The following WAPL variants were observed in gnomAD, a reference collection of about 807,000 sequenced individuals.
WAPL encodes the protein WAPL cohesin release factor.
Under a neutral mutation model 121.0 loss-of-function variants are expected in WAPL, and 5 were observed. That is an observed-to-expected ratio of 0.04 (90% CI 0.02 to 0.09). The LOEUF (loss-of-function observed/expected upper bound fraction) is 0.09, where lower values mean the gene tolerates loss of function less well. Ranked by LOEUF, WAPL falls within the 10% of genes least tolerant of loss-of-function variation. The pLI, the probability that WAPL is intolerant of heterozygous loss-of-function variation, is 1.00. For synonymous variants in WAPL, 480 were observed against 481.5 expected (o/e 1.00, Z 0.04); for missense variants, 999 against 1,410.8 (o/e 0.71, Z 4.68).
intron 9 of WAPL, among the ~76,000 whole-genome samples, chr10:86,462,139 A>G (rs1841291611): frequency 6.6e-6 from 1 of 152,210 alleles, no homozygotes; most frequent in Non-Finnish European, 1.5e-5. Flanking sequence ...TTTTTAAAGC[A>G]GACAGCCACT....
intron 17 of WAPL, among the ~76,000 whole-genome samples, chr10:86,440,945 T>G (rs906910538): frequency 1.1e-4 from 17 of 147,890 alleles, no homozygotes; most frequent in Non-Finnish European, 2.1e-4. Flanking sequence ...GTGGGGTGGG[T>G]AGATGGGCCC....
intron 4 of WAPL, among the ~76,000 whole-genome samples, chr10:86,490,794 G>A (rs1842030622): frequency 6.6e-6 from 1 of 152,084 alleles, no homozygotes; most frequent in African/African-American, 2.4e-5. Context: ...CGGGCGCGGT[G>A]GCTCACACCT....
At chr10:86,488,142 A>C (rs1433719227) in intron 4 of WAPL, among the ~76,000 whole-genome samples, 2 of 152,244 alleles carry the variant, frequency 1.3e-5, no homozygotes, top group Non-Finnish European at 2.9e-5. Flanking sequence ...AGTCTAGAAT[A>C]AAACGTGGTA....
At chr10:86,476,543 G>C (rs1841658802) in intron 4 of WAPL, among the ~76,000 whole-genome samples, 2 of 151,902 alleles carry the variant, frequency 1.3e-5, no homozygotes, top group Non-Finnish European at 2.9e-5. Context: ...ACAAAAATTA[G>C]CCAGGCATGG....
chr10:86,438,234 A>AT (rs1353302268), intron 17 of WAPL, among the ~76,000 whole-genome samples: 1 of 150,506 alleles, frequency 6.6e-6, no homozygotes, highest in Non-Finnish European at 1.5e-5. Context: ...CTACAAAGAA[A>AT]TATTTGTGTA....
rs1199034203 is a variant in WAPL at position 86,478,820 on chromosome 10, C to T, written c.1645-4847G>A. 2.0e-5 allele frequency among the ~76,000 whole-genome samples: 3 copies of T among 152,032 alleles called. No individual in the cohort carries two copies. The East Asian group carries it at 5.8e-4, about 29-fold the overall frequency. On this transcript the variant is annotated intron_variant, in intron 4 of 18. Coordinates refer to ENST00000298767, the MANE Select transcript of WAPL (RefSeq NM_015045.5). ...CTATAAACCAGAGGAAAAGGCCGGGCGTGGTGGCTCACGTCTGTAATCCCA... is the reference window on the plus strand; with the variant it reads ...CTATAAACCAGAGGAAAAGGCCGGGTGTGGTGGCTCACGTCTGTAATCCCA...
intron 4 of WAPL, among the ~76,000 whole-genome samples, chr10:86,475,931 A>G (rs1189336578): frequency 1.3e-5 from 2 of 152,266 alleles, no homozygotes; most frequent in African/African-American, 4.8e-5. Flanking sequence ...CAGTAATTGC[A>G]GCACGCCTCT....
At chr10:86,465,085 T>G (rs999504865) in intron 9 of WAPL, among the ~76,000 whole-genome samples, 2 of 152,260 alleles carry the variant, frequency 1.3e-5, no homozygotes, top group African/African-American at 4.8e-5. Flanking sequence ...AGCAAGAGCC[T>G]AAGTCACATC....
chr10:86,436,142 A>T lies in WAPL; in HGVS notation c.*1401T>A, dbSNP rs1475976954. The T allele has an allele frequency of 6.6e-6, 1 of 152,648 alleles. No homozygotes were observed. The highest frequency in any genetic ancestry group is 1.5e-5 in the Non-Finnish European group (1 of 68,042). The allele number at this position is 152,648 out of a possible 1,614,324, so 9.5% of individuals were successfully genotyped here. Reference sequence around the variant, plus strand: ...ATAGAAGGCAGCCACTGCATTTAAAAACATTACAGCTGGCACTGATACAAG... The same window carrying T: ...ATAGAAGGCAGCCACTGCATTTAAATACATTACAGCTGGCACTGATACAAG... On this transcript the variant is annotated 3_prime_UTR_variant, in exon 19 of 19. Coordinates refer to ENST00000298767, the MANE Select transcript of WAPL (RefSeq NM_015045.5).
At chr10:86,454,507 G>A (rs1364120730) in intron 12 of WAPL, among the ~76,000 whole-genome samples, 1 of 152,176 alleles carries the variant, frequency 6.6e-6, no homozygotes, top group Non-Finnish European at 1.5e-5. Context: ...CCTGCCTAGT[G>A]CCTGGGACTG....
rs1841261639 is a variant in WAPL, at chr10:86,461,104, AAG to A, written c.2482+70_2482+71del. On this transcript the variant is annotated intron_variant, in intron 10 of 18. Transcript: ENST00000298767. Reference sequence around the variant, plus strand: ...TCCAAACTGATACAATTATTTTTTGAAGTACGTCAATGGAGTATTTTCTTCAG... The same window carrying A: ...TCCAAACTGATACAATTATTTTTTGATACGTCAATGGAGTATTTTCTTCAG... 3 of 1,107,268 alleles carry A rather than the reference AAG, an allele frequency of 2.7e-6. No homozygotes were observed. The African/African-American group carries it at 4.8e-5, about 18-fold the overall frequency. 68.6% of individuals were successfully genotyped at this position (1,107,268 alleles called of 1,614,324 possible). A position where few individuals can be genotyped will look rare whatever the true frequency, so the allele number is the denominator to read the frequency against.
intron 9 of WAPL, 30 bp from the exon 10 acceptor site, chr10:86,461,317 T>C: frequency 1.9e-6 from 3 of 1,549,346 alleles, no homozygotes; most frequent in Non-Finnish European, 2.7e-6. Flanking sequence ...TTAATGAATA[T>C]CAACTTTTAG....
intron 14 of WAPL, among the ~76,000 whole-genome samples, chr10:86,452,991 A>G (rs941510624): frequency 1.3e-4 from 14 of 109,614 alleles, no homozygotes; most frequent in African/African-American, 5.2e-4. Context: ...GTGAGCCAAG[A>G]TGTTGCCACT....
At chr10:86,452,305 A>T (rs1471883717) in intron 14 of WAPL, among the ~76,000 whole-genome samples, 174 bp from the exon 15 acceptor site, 1 of 151,114 alleles carries the variant, frequency 6.6e-6, no homozygotes, top group Non-Finnish European at 1.5e-5. Flanking sequence ...AAAAAAAAAG[A>T]AAAAAGGCCA....
chr10:86,446,191 A>T (rs1400519335), intron 16 of WAPL, 51 bp downstream of exon 16: 3 of 1,597,638 alleles, frequency 1.9e-6, no homozygotes, highest in Non-Finnish European at 8.6e-7. Context: ...AGAAAAAAAC[A>T]AAATCAAACC....
intron 9 of WAPL, among the ~76,000 whole-genome samples, chr10:86,461,496 A>G (rs1841274072): frequency 6.7e-6 from 1 of 149,424 alleles, no homozygotes; most frequent in Non-Finnish European, 1.5e-5. Flanking sequence ...CTATTAGTCT[A>G]TCATTTGTCA....
At chr10:86,482,829 A>G (rs1841824136) in intron 4 of WAPL, among the ~76,000 whole-genome samples, 1 of 152,204 alleles carries the variant, frequency 6.6e-6, no homozygotes. Context: ...GCTGGCAGGT[A>G]GGGGAAATGG....
At chr10:86,450,913 G>A (rs1347089624) in intron 15 of WAPL, among the ~76,000 whole-genome samples, 1 of 152,154 alleles carries the variant, frequency 6.6e-6, no homozygotes, top group African/African-American at 2.4e-5. Context: ...GACTTTAAAT[G>A]GCTCAAAGAA....
intron 2 of WAPL, among the ~76,000 whole-genome samples, chr10:86,508,312 C>G (rs1842390313): frequency 6.6e-6 from 1 of 152,146 alleles, no homozygotes; most frequent in Non-Finnish European, 1.5e-5. Flanking sequence ...TATAAACCAC[C>G]TTCTCTTATG....
Sources: gnomAD v4.1 joint callset for allele counts (sites outside exome capture counted in the v4.1 genomes callset) on GRCh38, gnomAD v4.1.1 for gene constraint, MANE v1.5 for transcripts, NCBI Gene and HGNC (gene_info 2026-07-23, HGNC 2026-07-21) for gene names.